PIK3R3: variants seen among roughly 807,000 people sequenced by gnomAD.
The protein encoded by PIK3R3 is phosphoinositide-3-kinase regulatory subunit 3, also known as phosphatidylinositol 3-kinase regulatory subunit gamma.
PIK3R3 carries 64 observed loss-of-function variants against 62.9 expected under a neutral mutation model. The ratio of observed to expected loss-of-function variants is 1.02; its 90% CI spans 0.83 to 1.25. PIK3R3 has a LOEUF of 1.25. PIK3R3 is among the 50% of genes most tolerant of loss of function. PIK3R3 has a pLI of 0.00. For synonymous variants in PIK3R3, 165 were observed against 189.0 expected (o/e 0.87, Z 1.04); for missense variants, 614 against 561.6 (o/e 1.09, Z -0.94).
At chr1:46,068,288 T>A (rs545589289) in intron 3 of PIK3R3, among the ~76,000 whole-genome samples, 1 of 152,340 alleles carries the variant, frequency 6.6e-6, no homozygotes, top group East Asian at 1.9e-4. Flanking sequence ...TAAAAGACAT[T>A]CATTCATTTA....
the PIK3R3 span, among the ~76,000 whole-genome samples, chr1:46,141,452 G>T: frequency 2.0e-5 from 3 of 150,614 alleles, no homozygotes; most frequent in Non-Finnish European, 4.4e-5. Flanking sequence ...TGTATTTTTA[G>T]TAGAGATGGG....
At chr1:46,071,764 G>GCA (rs1649564064) in intron 3 of PIK3R3, among the ~76,000 whole-genome samples, 1 of 134,700 alleles carries the variant, frequency 7.4e-6, no homozygotes, top group Non-Finnish European at 1.6e-5. Context: ...GAGAGAGCGC[G>GCA]CGCCTGATCA....
At chr1:46,173,596 A>G in the PIK3R3 span, among the ~76,000 whole-genome samples, 1 of 152,060 alleles carries the variant, frequency 6.6e-6, no homozygotes, top group East Asian at 1.9e-4. Flanking sequence ...AGTGGGCTGC[A>G]CCCGCTCATC....
the PIK3R3 span, among the ~76,000 whole-genome samples, chr1:46,142,670 C>A: frequency 2.0e-5 from 3 of 151,458 alleles, no homozygotes; most frequent in African/African-American, 7.3e-5. Context: ...TGCACTCCAG[C>A]CTGGGCGACA....
intron 2 of PIK3R3, among the ~76,000 whole-genome samples, chr1:46,078,165 A>AT: frequency 6.6e-6 from 1 of 152,342 alleles, no homozygotes; most frequent in South Asian, 2.1e-4. Context: ...CCCTTGAATC[A>AT]TATCAGAACC....
chr1:46,046,114 T>C (rs1222350553), intron 8 of PIK3R3, 26 bp from the exon 9 acceptor site: 2 of 1,340,928 alleles, frequency 1.5e-6, no homozygotes, highest in Non-Finnish European at 2.1e-6. Flanking sequence ...TAGTATATTA[T>C]TCTAACAAGT....
chr1:46,050,705 T>TA (rs1647277129), intron 7 of PIK3R3, among the ~76,000 whole-genome samples: 1 of 152,296 alleles, frequency 6.6e-6, no homozygotes, highest in South Asian at 2.1e-4. Flanking sequence ...CTCCTCAGCA[T>TA]ATACCCATGA....
intron 1 of PIK3R3, among the ~76,000 whole-genome samples, chr1:46,123,438 T>C (rs1654845785): frequency 6.6e-6 from 1 of 152,336 alleles, no homozygotes; most frequent in African/African-American, 2.4e-5. Flanking sequence ...GTTATAAATA[T>C]GTAAGTTAGG....
chr1:46,069,382 G>A (rs1233081035), intron 3 of PIK3R3, among the ~76,000 whole-genome samples: 1 of 152,048 alleles, frequency 6.6e-6, no homozygotes, highest in Non-Finnish European at 1.5e-5. Context: ...AGCCTGGCGT[G>A]GTGGAGGGCA....
the PIK3R3 span, among the ~76,000 whole-genome samples, chr1:46,157,374 G>C: frequency 6.6e-6 from 1 of 151,982 alleles, no homozygotes; most frequent in East Asian, 1.9e-4. Flanking sequence ...CTCAAGCAAC[G>C]TGCCCACCTC....
chr1:46,144,283 G>A, the PIK3R3 span, among the ~76,000 whole-genome samples: 2 of 152,168 alleles, frequency 1.3e-5, no homozygotes, highest in African/African-American at 4.8e-5. Flanking sequence ...GCAGAGGTGA[G>A]GAATGGAAAG....
chr1:46,147,146 G>C, the PIK3R3 span, among the ~76,000 whole-genome samples: 1 of 152,000 alleles, frequency 6.6e-6, no homozygotes, highest in Non-Finnish European at 1.5e-5. Flanking sequence ...ACGCTCTGTC[G>C]CCCAGACTTT....
At chr1:46,062,576 A>AAAAAAC (rs55963812) in intron 5 of PIK3R3, among the ~76,000 whole-genome samples, 101,364 of 151,098 alleles carry the variant, frequency 0.67, 34,241 homozygotes, top group Non-Finnish European at 0.71. Context: ...CTTTGTCTCA[A>AAAAAAC]AAAAACAAAA....
At chr1:46,122,180 T>A (rs1486046935) in intron 1 of PIK3R3, among the ~76,000 whole-genome samples, 2 of 152,092 alleles carry the variant, frequency 1.3e-5, no homozygotes, top group Non-Finnish European at 2.9e-5. Context: ...CAAGGAACAA[T>A]ACATACAACA....
the PIK3R3 span, among the ~76,000 whole-genome samples, chr1:46,165,036 G>A: frequency 6.6e-5 from 10 of 151,910 alleles, no homozygotes; most frequent in African/African-American, 2.4e-4. Context: ...ATCTCACTAT[G>A]TTGCCCAGAC....
At position 46,045,812 on chromosome 1, in the gene PIK3R3, CTCG is replaced by C. The variant is rs1409800995; in HGVS notation, c.1187+103_1187+105del. On this transcript the variant is annotated intron_variant, in intron 9 of 9. Coordinates refer to ENST00000262741, the MANE Select transcript of PIK3R3 (RefSeq NM_003629.4). ...ATAGTTATGGTCCGAGCCATGGGTC[CTCG>C]TTACTGTACATTAACTAATTTCATC... 31 of 970,160 alleles carry C rather than the reference CTCG, an allele frequency of 3.2e-5. No homozygotes were observed. In the African/African-American group the frequency reaches 4.8e-4, roughly 15 times the overall value. The allele number at this position is 970,160 out of a possible 1,614,324, so 60.1% of individuals were successfully genotyped here.
chr1:46,141,106 C>T, the PIK3R3 span, among the ~76,000 whole-genome samples: 1 of 151,576 alleles, frequency 6.6e-6, no homozygotes, highest in East Asian at 1.9e-4. Context: ...GGGGTCGTCC[C>T]ACCTTGGCCT....
At chr1:46,058,535 C>T (rs1281591684) in intron 6 of PIK3R3, among the ~76,000 whole-genome samples, 1 of 152,198 alleles carries the variant, frequency 6.6e-6, no homozygotes, top group Non-Finnish European at 1.5e-5. Flanking sequence ...GCGGAGCTGC[C>T]CCAGACCATG....
intron 1 of PIK3R3, among the ~76,000 whole-genome samples, chr1:46,120,908 A>C (rs564670889): frequency 4.6e-4 from 69 of 150,316 alleles, no homozygotes; most frequent in African/African-American, 1.7e-3. Flanking sequence ...GTTTTTGTAG[A>C]AAGTTTCCTC....
Sources: gnomAD v4.1 joint callset for allele counts (sites outside exome capture counted in the v4.1 genomes callset) on GRCh38, gnomAD v4.1.1 for gene constraint, MANE v1.5 for transcripts, NCBI Gene and HGNC (gene_info 2026-07-23, HGNC 2026-07-21) for gene names.